The following UCHL3 variants were observed in gnomAD, a reference collection of about 807,000 sequenced individuals.
The protein encoded by UCHL3 is ubiquitin C-terminal hydrolase L3.
Under a neutral mutation model 35.8 loss-of-function variants are expected in UCHL3, and 22 were observed. That is an observed-to-expected ratio of 0.61 (90% confidence interval 0.44 to 0.88). UCHL3 has a LOEUF of 0.88. UCHL3 is among the 40% of genes least tolerant of loss of function. The probability of loss-of-function intolerance (pLI) is 0.00; values close to 1 mark genes in which losing one functional copy is unlikely to be tolerated. For synonymous variants in UCHL3, 90 were observed against 92.8 expected (o/e 0.97, Z 0.17); for missense variants, 229 against 276.9 (o/e 0.83, Z 1.23).
chr13:75,549,769 G>T (rs1818943697), upstream of UCHL3: 1 of 1,052,598 alleles, frequency 9.5e-7, no homozygotes, highest in Non-Finnish European at 1.2e-6. Context: ...CGGAAGCGGC[G>T]GCGGCGGCGA....
chr13:75,563,628 G>A lies in UCHL3; in HGVS notation c.183+2747G>A, dbSNP rs138344990. Among the ~76,000 whole-genome samples the A allele has an allele frequency of 4.8e-3, 732 of 152,174 alleles. 6 individuals are homozygous for A. Among genetic ancestry groups the A allele is most frequent in the African/African-American group, 0.017 (697 of 41,510 alleles). Reference sequence around the variant, plus strand: ...CATAGTTACTTTTTTTGTTACAAGAGCAGCTAAAATCTTATTTAACAAAAA... The same window carrying A: ...CATAGTTACTTTTTTTGTTACAAGAACAGCTAAAATCTTATTTAACAAAAA... On this transcript the variant is annotated intron_variant, in intron 3 of 8. Transcript: ENST00000377595.
intron 3 of UCHL3, among the ~76,000 whole-genome samples, chr13:75,565,642 T>C (rs971966009): frequency 6.6e-6 from 1 of 152,200 alleles, no homozygotes; most frequent in African/African-American, 2.4e-5. Context: ...CCATAGACAA[T>C]ACATAATGAA....
intron 6 of UCHL3, among the ~76,000 whole-genome samples, chr13:75,592,245 CTAAT>C (rs952515461): frequency 6.0e-5 from 9 of 150,242 alleles, no homozygotes; most frequent in Middle Eastern, 3.4e-3. Flanking sequence ...TATATCAAAA[CTAAT>C]TGATTGGAAG....
Position 75,566,720 on chromosome 13 carries a change from A to G in UCHL3, c.209A>G (p.Glu70Gly). Reference sequence around the variant, plus strand: ...TATGAAGTATTCAGAACAGAAGAGGAAGAAAAAATAAAATCTCAGGGACAA... The same window carrying G: ...TATGAAGTATTCAGAACAGAAGAGGGAGAAAAAATAAAATCTCAGGGACAA... ...EKYEVFRTEEEEKIKSQGQDV... is the reference protein window; with the variant it reads ...EKYEVFRTEEGEKIKSQGQDV... The change falls in exon 4 of 9, where the codon GAA becomes GGA. Residue 70 changes from glutamate to glycine, a missense_variant. Glu to Gly is a moderately conservative substitution (Grantham distance 98). Coordinates refer to ENST00000377595, the MANE Select transcript of UCHL3 (RefSeq NM_006002.5). The G allele has an allele frequency of 6.3e-7, 1 of 1,597,642 alleles. No individual in the cohort carries two copies. Among genetic ancestry groups the G allele is most frequent in the Non-Finnish European group, 8.5e-7 (1 of 1,172,214 alleles).
At chr13:75,551,556 C>A (rs2031109836) in intron 2 of UCHL3, among the ~76,000 whole-genome samples, 1 of 151,984 alleles carries the variant, frequency 6.6e-6, no homozygotes, top group Non-Finnish European at 1.5e-5. Flanking sequence ...GTAAGAAATC[C>A]TCTACAAAAT....
intron 6 of UCHL3, among the ~76,000 whole-genome samples, chr13:75,582,968 T>C (rs1462827973): frequency 6.6e-6 from 1 of 152,212 alleles, no homozygotes; most frequent in East Asian, 1.9e-4. Context: ...AAAATATATA[T>C]GATGTACACT....
intron 7 of UCHL3, among the ~76,000 whole-genome samples, chr13:75,598,641 C>A (rs1259444282): frequency 6.6e-6 from 1 of 152,158 alleles, no homozygotes; most frequent in Admixed American, 6.5e-5. Context: ...GCATTTTTGG[C>A]AGGAATAACT....
chr13:75,561,545 TA>T (rs1430501766), intron 3 of UCHL3, among the ~76,000 whole-genome samples: 1 of 151,728 alleles, frequency 6.6e-6, no homozygotes, highest in Non-Finnish European at 1.5e-5. Flanking sequence ...TTTTTCAATA[TA>T]TATATATATA....
chr13:75,588,830 T>C (rs533096080), intron 6 of UCHL3, among the ~76,000 whole-genome samples: 2 of 152,294 alleles, frequency 1.3e-5, no homozygotes, highest in African/African-American at 4.8e-5. Flanking sequence ...ACTATGATTG[T>C]AGTGATTGTA....
At chr13:75,599,181 G>T (rs985472318) in intron 7 of UCHL3, among the ~76,000 whole-genome samples, 2 of 147,850 alleles carry the variant, frequency 1.4e-5, no homozygotes, top group Non-Finnish European at 3.0e-5. Flanking sequence ...ATGTTGCCCA[G>T]GCTGGTCTTG....
At chr13:75,587,065 G>A (rs1445630053) in intron 6 of UCHL3, among the ~76,000 whole-genome samples, 1 of 141,710 alleles carries the variant, frequency 7.1e-6, no homozygotes, top group Non-Finnish European at 1.6e-5. Flanking sequence ...TGCATAAAAG[G>A]TAGAAATAAC....
At chr13:75,601,134 T>G (rs552262388) in intron 7 of UCHL3, among the ~76,000 whole-genome samples, 1 of 152,232 alleles carries the variant, frequency 6.6e-6, no homozygotes, top group African/African-American at 2.4e-5. Flanking sequence ...AAGGAGTTGC[T>G]TCTTAAAGAT....
intron 3 of UCHL3, among the ~76,000 whole-genome samples, chr13:75,562,771 G>T (rs2031558091): frequency 6.6e-6 from 1 of 152,138 alleles, no homozygotes; most frequent in Non-Finnish European, 1.5e-5. Context: ...TGTCCCTGTT[G>T]AAAGGAAGAA....
At chr13:75,553,691 G>A (rs943499116) in intron 2 of UCHL3, among the ~76,000 whole-genome samples, 5 of 152,142 alleles carry the variant, frequency 3.3e-5, no homozygotes, top group African/African-American at 1.2e-4. Flanking sequence ...ATGACCCCAT[G>A]TTCCTTGAAA....
intron 6 of UCHL3, among the ~76,000 whole-genome samples, chr13:75,591,450 G>T (rs1347164018): frequency 6.6e-6 from 1 of 152,100 alleles, no homozygotes; most frequent in Non-Finnish European, 1.5e-5. Flanking sequence ...AATCCTAAAG[G>T]TGTAAATTCT....
chr13:75,580,420 G>A (rs917397726), intron 6 of UCHL3, among the ~76,000 whole-genome samples: 7 of 151,910 alleles, frequency 4.6e-5, no homozygotes, highest in East Asian at 1.9e-4. Flanking sequence ...TCATGCATGC[G>A]CACACACATG....
intron 6 of UCHL3, among the ~76,000 whole-genome samples, chr13:75,581,828 A>T (rs909252502): frequency 9.9e-5 from 15 of 152,272 alleles, no homozygotes; most frequent in African/African-American, 2.9e-4. Context: ...CATGCACACT[A>T]ACTGTGAAGG....
intron 3 of UCHL3, 61 bp from the exon 4 acceptor site, chr13:75,566,634 G>T: frequency 3.7e-6 from 4 of 1,077,104 alleles, no homozygotes; most frequent in African/African-American, 1.7e-5. Flanking sequence ...TTCTTTTACA[G>T]ACTGAGTTTT....
chr13:75,564,352 A>G (rs1188925492), intron 3 of UCHL3, among the ~76,000 whole-genome samples: 3 of 151,892 alleles, frequency 2.0e-5, no homozygotes, highest in Non-Finnish European at 2.9e-5. Flanking sequence ...GGGTTTCACC[A>G]TGTTAGCTGG....
Sources: gnomAD v4.1 joint callset for allele counts (sites outside exome capture counted in the v4.1 genomes callset) on GRCh38, gnomAD v4.1.1 for gene constraint, MANE v1.5 for transcripts, NCBI Gene and HGNC (gene_info 2026-07-23, HGNC 2026-07-21) for gene names.